GLIS3: variants seen among roughly 807,000 people sequenced by gnomAD.
GLIS3 encodes the protein zinc finger protein GLIS3.
Under a neutral mutation model 78.6 loss-of-function variants are expected in GLIS3, and 53 were observed. The observed-to-expected ratio is 0.67, with a 90% CI of 0.54 to 0.85. The LOEUF is 0.85. Ranked by LOEUF, GLIS3 falls within the 40% of genes least tolerant of loss-of-function variation. The pLI is 0.00. For missense variants in GLIS3, 1,703 were observed against 1,231.1 expected (o/e 1.38, Z -5.74); for synonymous variants, 684 against 509.9 (o/e 1.34, Z -4.60).
chr9:4,262,638 G>C (rs948378252), intron 2 of GLIS3, among the ~76,000 whole-genome samples: 1 of 152,100 alleles, frequency 6.6e-6, no homozygotes, highest in African/African-American at 2.4e-5. Flanking sequence ...TGAGAAGGTG[G>C]TATTTTTATT....
chr9:4,050,385 G>A (rs1030128573), intron 4 of GLIS3, among the ~76,000 whole-genome samples: 1 of 152,094 alleles, frequency 6.6e-6, no homozygotes, highest in African/African-American at 2.4e-5. Flanking sequence ...CTCACAGGTG[G>A]GAATTGAACA....
At chr9:4,062,218 TA>T (rs771957615) in intron 4 of GLIS3, among the ~76,000 whole-genome samples, 2 of 152,232 alleles carry the variant, frequency 1.3e-5, no homozygotes, top group Non-Finnish European at 2.9e-5. Context: ...CCCTGTGCCT[TA>T]GCGACTAATT....
intron 4 of GLIS3, among the ~76,000 whole-genome samples, chr9:4,003,929 A>G (rs1331916358): frequency 6.6e-6 from 1 of 152,206 alleles, no homozygotes; most frequent in Non-Finnish European, 1.5e-5. Context: ...GAGATCTTAA[A>G]AGGGCTTTTT....
At chr9:4,215,448 G>A (rs1345915621) in intron 2 of GLIS3, among the ~76,000 whole-genome samples, 1 of 152,022 alleles carries the variant, frequency 6.6e-6, no homozygotes, top group Non-Finnish European at 1.5e-5. Context: ...AGTGTTGTGG[G>A]GGATGCACAA....
At chr9:4,013,943 C>T (rs1320293444) in intron 4 of GLIS3, among the ~76,000 whole-genome samples, 1 of 152,142 alleles carries the variant, frequency 6.6e-6, no homozygotes, top group East Asian at 1.9e-4. Context: ...CACAAGAATG[C>T]TCAAATCCCA....
At chr9:4,117,357 T>C (rs1355683867) in intron 4 of GLIS3, among the ~76,000 whole-genome samples, 1 of 152,194 alleles carries the variant, frequency 6.6e-6, no homozygotes, top group Non-Finnish European at 1.5e-5. Context: ...TCCATCCCAA[T>C]TCTAGCCCGG....
At chr9:3,935,129 A>C (rs1825819647) in intron 5 of GLIS3, among the ~76,000 whole-genome samples, 1 of 152,174 alleles carries the variant, frequency 6.6e-6, no homozygotes, top group Admixed American at 6.5e-5. Context: ...TTATAGTATA[A>C]GGAGTGATTA....
At chr9:4,302,742 T>C (rs1472083594), upstream of GLIS3, among the ~76,000 whole-genome samples, 1 of 152,246 alleles carries the variant, frequency 6.6e-6, no homozygotes, top group Non-Finnish European at 1.5e-5. Flanking sequence ...GCATGCTCTT[T>C]GAATGTGTAT....
At chr9:3,881,651 T>C (rs1821736908) in intron 7 of GLIS3, among the ~76,000 whole-genome samples, 1 of 152,192 alleles carries the variant, frequency 6.6e-6, no homozygotes, top group Admixed American at 6.5e-5. Flanking sequence ...GGAAAAACCA[T>C]CCATCATCCA....
At chr9:4,302,411 TATTC>T (rs1182890944), upstream of GLIS3, among the ~76,000 whole-genome samples, 12 of 152,094 alleles carry the variant, frequency 7.9e-5, no homozygotes, top group Non-Finnish European at 1.8e-4. Flanking sequence ...ATCAGAGAAA[TATTC>T]AGTGAGTACA....
At chr9:4,084,234 T>C (rs1828806706) in intron 4 of GLIS3, among the ~76,000 whole-genome samples, 1 of 139,660 alleles carries the variant, frequency 7.2e-6, no homozygotes, top group South Asian at 2.2e-4. Flanking sequence ...GTGTAATCTC[T>C]CTCTCCTTCC....
chr9:3,831,076 C>A (rs976479768), intron 9 of GLIS3, among the ~76,000 whole-genome samples: 4 of 152,128 alleles, frequency 2.6e-5, no homozygotes, highest in African/African-American at 9.7e-5. Flanking sequence ...ATGGACAGGG[C>A]ATATTCATAG....
intron 2 of GLIS3, among the ~76,000 whole-genome samples, chr9:4,337,006 A>T (rs937255807): frequency 5.9e-5 from 9 of 152,336 alleles, no homozygotes; most frequent in Non-Finnish European, 1.3e-4. Flanking sequence ...TAAAAATCTA[A>T]TATTACTAGT....
At position 3,994,735 on chromosome 9, in the gene GLIS3, C is replaced by G. The variant is rs551811985; in HGVS notation, c.1711-57546G>C. 9.2e-5 allele frequency among the ~76,000 whole-genome samples: 14 copies of G among 152,304 alleles called. No homozygotes were observed. The East Asian group carries it at 2.7e-3, about 29-fold the overall frequency. ...AACACTGTCTTTTTAAAAATCAAAA[C>G]TGATTCCTTATTTACTTCTTTCCCC... is the stretch of plus-strand genomic sequence containing the variant. On this transcript the variant is annotated intron_variant, in intron 4 of 10. Coordinates refer to ENST00000381971, the MANE Select transcript of GLIS3 (RefSeq NM_001042413.2).
At chr9:4,234,530 T>C (rs779719631) in intron 2 of GLIS3, among the ~76,000 whole-genome samples, 1 of 152,140 alleles carries the variant, frequency 6.6e-6, no homozygotes, top group Non-Finnish European at 1.5e-5. Flanking sequence ...ACAATTACAA[T>C]AGTAACACAA....
intron 4 of GLIS3, among the ~76,000 whole-genome samples, chr9:4,035,566 G>C (rs573645801): frequency 1.3e-5 from 2 of 151,938 alleles, no homozygotes; most frequent in East Asian, 3.9e-4. Context: ...TGAGGCTCTA[G>C]TCACTTCTCT....
At chr9:4,474,569 T>C in the GLIS3 span, among the ~76,000 whole-genome samples, 1 of 152,300 alleles carries the variant, frequency 6.6e-6, no homozygotes, top group East Asian at 1.9e-4. Context: ...GATTTTAGAT[T>C]GAAATGAAAG....
the GLIS3 span, among the ~76,000 whole-genome samples, chr9:4,386,092 A>G: frequency 3.9e-5 from 6 of 152,310 alleles, no homozygotes; most frequent in African/African-American, 1.4e-4. Flanking sequence ...CAAATGCTTT[A>G]TTTGGATTAT....
intron 2 of GLIS3, among the ~76,000 whole-genome samples, chr9:4,322,002 A>G (rs1043033478): frequency 6.6e-6 from 1 of 152,006 alleles, no homozygotes; most frequent in African/African-American, 2.4e-5. Flanking sequence ...CACATTAGGT[A>G]TTTCTCCTAA....
Sources: gnomAD v4.1 joint callset for allele counts (sites outside exome capture counted in the v4.1 genomes callset) on GRCh38, gnomAD v4.1.1 for gene constraint, MANE v1.5 for transcripts, NCBI Gene and HGNC (gene_info 2026-07-23, HGNC 2026-07-21) for gene names.